The following TSC1 variants were observed in gnomAD, a reference collection of about 807,000 sequenced individuals.
TSC1 encodes the protein TSC complex subunit 1.
In TSC1, 20 loss-of-function variants were observed where a neutral mutation model predicts 124.3. The ratio of observed to expected loss-of-function variants is 0.16; its 90% confidence interval spans 0.11 to 0.23. The LOEUF (loss-of-function observed/expected upper bound fraction) is 0.23, where lower values mean the gene tolerates loss of function less well. Ranked by LOEUF, TSC1 falls within the 10% of genes least tolerant of loss-of-function variation. TSC1 has a pLI of 1.00. For missense variants in TSC1, 1,124 were observed against 1,448.5 expected (o/e 0.78, Z 3.64); for synonymous variants, 493 against 539.1 (o/e 0.91, Z 1.19).
chr9:132,909,217 A>G (rs1261750682), intron 12 of TSC1, among the ~76,000 whole-genome samples: 2 of 152,152 alleles, frequency 1.3e-5, no homozygotes, highest in African/African-American at 2.4e-5. Flanking sequence ...TGTACTTTGA[A>G]TGTACTTTTT....
chr9:132,916,423 A>G, intron 8 of TSC1, among the ~76,000 whole-genome samples: 1 of 148,630 alleles, frequency 6.7e-6, no homozygotes, highest in East Asian at 1.9e-4. Context: ...GACACCATCT[A>G]TTAACTTACT....
In TSC1 at chr9:132,944,534, C is replaced by G. The variant is rs1356563066; in HGVS notation, c.-144+9G>C. 4 of 398,730 alleles carry G rather than the reference C, an allele frequency of 1.0e-5. No individual in the cohort carries two copies. Among genetic ancestry groups the G allele is most frequent in the Non-Finnish European group, 1.3e-5 (3 of 226,184 alleles). 24.7% of individuals were successfully genotyped at this position (398,730 alleles called of 1,614,324 possible). A position where few individuals can be genotyped will look rare whatever the true frequency, so the allele number is the denominator to read the frequency against. On this transcript the variant is annotated intron_variant, in intron 1 of 22. Coordinates refer to ENST00000298552, the MANE Select transcript of TSC1 (RefSeq NM_000368.5). ...CATAAAAAGGAGGGGGAGACACCCC[C>G]ATACTCACCCACCGTCTCCTCCCCC...
chr9:132,938,207 G>C (rs924032429), intron 1 of TSC1, among the ~76,000 whole-genome samples: 1 of 152,020 alleles, frequency 6.6e-6, no homozygotes, highest in African/African-American at 2.4e-5. Flanking sequence ...CTGTCCTATG[G>C]GGGTACTACA....
Position 132,903,935 on chromosome 9 carries a change from C to T in TSC1, c.2042-118G>A. The T allele has an allele frequency of 7.9e-7, 1 of 1,259,838 alleles. No individual in the cohort carries two copies. Among genetic ancestry groups the T allele is most frequent in the Non-Finnish European group, 1.1e-6 (1 of 887,974 alleles). The allele number at this position is 1,259,838 out of a possible 1,614,324, so 78.0% of individuals were successfully genotyped here. ...AATTCTTTAAAAACAAATCACCACTCTCTTTGCAAATGACCACTTGACTCC... is the reference window on the plus strand; with the variant it reads ...AATTCTTTAAAAACAAATCACCACTTTCTTTGCAAATGACCACTTGACTCC... On this transcript the variant is annotated intron_variant, in intron 16 of 22. Coordinates refer to ENST00000298552, the MANE Select transcript of TSC1 (RefSeq NM_000368.5). This position sits in a 1 kb window ranked among gnomAD's most constrained non-coding sequence, Gnocchi z 5.9.
rs147159192 is a variant in TSC1, at chr9:132,898,596, C to T, written c.2626-986G>A. 7.9e-4 allele frequency among the ~76,000 whole-genome samples: 120 copies of T among 152,272 alleles called. 1 individual carries two copies. The highest frequency in any genetic ancestry group is 7.7e-4 in the East Asian group (4 of 5,176). Reference sequence around the variant, plus strand: ...GCTGTTCCAGCTGTGCTAAATGGCTCGACTTCAGCACAGGGTGGATGAACG... The same window carrying T: ...GCTGTTCCAGCTGTGCTAAATGGCTTGACTTCAGCACAGGGTGGATGAACG... On this transcript the variant is annotated intron_variant, in intron 20 of 22. Coordinates refer to ENST00000298552, the MANE Select transcript of TSC1 (RefSeq NM_000368.5).
intron 3 of TSC1, 36 bp from the exon 4 acceptor site, chr9:132,927,340 C>T (rs1367291780): frequency 3.8e-6 from 6 of 1,583,942 alleles, no homozygotes; most frequent in Non-Finnish European, 2.6e-6. Flanking sequence ...GATACTTATT[C>T]CCCTTAACAT....
At chr9:132,931,000 T>C (rs937290369) in intron 2 of TSC1, among the ~76,000 whole-genome samples, 3 of 152,226 alleles carry the variant, frequency 2.0e-5, no homozygotes, top group African/African-American at 4.8e-5. Context: ...AGTACCTGTA[T>C]ATTATCATAA....
chr9:132,900,602 T>C (rs920870020), intron 20 of TSC1, 113 bp downstream of exon 20: 1 of 1,568,680 alleles, frequency 6.4e-7, no homozygotes, highest in African/African-American at 1.4e-5. Flanking sequence ...GGACTGCCGC[T>C]CCGTCTTTTA....
intron 20 of TSC1, chr9:132,898,914 GA>G (rs1224743219): frequency 6.6e-6 from 1 of 152,374 alleles, no homozygotes; most frequent in African/African-American, 2.4e-5. Context: ...GATCATCTGG[GA>G]AAGGTTTTCT....
At chr9:132,927,327 G>A (rs2132272330) in intron 3 of TSC1, 23 bp from the exon 4 acceptor site, 1 of 1,602,662 alleles carries the variant, frequency 6.2e-7, no homozygotes, top group South Asian at 1.1e-5. Flanking sequence ...AAGGGCAATG[G>A]ATGATACTTA....
intron 1 of TSC1, among the ~76,000 whole-genome samples, chr9:132,944,330 C>T (rs1847938288): frequency 6.6e-6 from 1 of 152,128 alleles, no homozygotes; most frequent in Non-Finnish European, 1.5e-5. Flanking sequence ...CGCCTCTCCT[C>T]CCCAGGGACC....
rs1554817077 is a variant in TSC1, at chr9:132,910,567, G to A, written c.1263+4C>T. ...AGAGGGATAGCAGACGAGCTGGATC[G>A]CACCTTCCTGGGGGGTGTGACTGTG... On this transcript the variant is annotated splice_donor_region_variant and intron_variant, in intron 12 of 22. Coordinates refer to ENST00000298552, the MANE Select transcript of TSC1 (RefSeq NM_000368.5). 3.7e-6 allele frequency: 6 copies of A among 1,613,900 alleles called. No individual in the cohort carries two copies. The highest frequency in any genetic ancestry group is 2.2e-5 in the East Asian group (1 of 44,892).
intron 8 of TSC1, among the ~76,000 whole-genome samples, chr9:132,917,024 T>C (rs1307875811): frequency 2.0e-5 from 3 of 152,366 alleles, no homozygotes; most frequent in Middle Eastern, 6.8e-3. Context: ...TCATATTTGA[T>C]AGACAAGTTG....
rs118107142 is a variant in TSC1 at position 132,902,865 on chromosome 9, C to A, written c.2209-78G>T. ...TTAACACACACTGCGAACATTTCAT[C>A]TGAATAGTCATAAGCTACCCTGAAA... is the stretch of plus-strand genomic sequence containing the variant. On this transcript the variant is annotated intron_variant, in intron 17 of 22. Coordinates refer to ENST00000298552, the MANE Select transcript of TSC1 (RefSeq NM_000368.5). This position sits in a 1 kb window ranked among gnomAD's most constrained non-coding sequence, Gnocchi z 5.2. 6.5e-7 allele frequency: 1 copy of A among 1,548,342 alleles called. No homozygotes were observed. Among genetic ancestry groups the A allele is most frequent in the Non-Finnish European group, 8.9e-7 (1 of 1,125,514 alleles).
intron 2 of TSC1, among the ~76,000 whole-genome samples, chr9:132,934,829 G>A (rs529403904): frequency 2.0e-4 from 30 of 152,338 alleles, no homozygotes; most frequent in Non-Finnish European, 3.2e-4. Context: ...AGAAAGTAAC[G>A]CATATAATGC....
chr9:132,906,242 G>T lies in TSC1; in HGVS notation c.1439-103C>A. On this transcript the variant is annotated intron_variant, in intron 14 of 22. Transcript: ENST00000298552. This position sits in a 1 kb window ranked among gnomAD's most constrained non-coding sequence, Gnocchi z 4.1. ...CTGCCACATGCCAGTGTCACTCAGA[G>T]AGAGGAGAAAAAGTGGCATCCGGCT... is the stretch of plus-strand genomic sequence containing the variant. 8 of 1,345,358 alleles carry T rather than the reference G, an allele frequency of 5.9e-6. No homozygotes were observed. In the South Asian group the frequency reaches 1.0e-4, roughly 17 times the overall value. The allele number at this position is 1,345,358 out of a possible 1,614,324, so 83.3% of individuals were successfully genotyped here.
At chr9:132,910,926 A>C in intron 11 of TSC1, 76 bp downstream of exon 11, 1 of 1,420,132 alleles carries the variant, frequency 7.0e-7, no homozygotes, top group Non-Finnish European at 1.0e-6. Flanking sequence ...GGTCCCTTAG[A>C]TCTAAAAGAG....
rs1060503227 is a variant in TSC1, at chr9:132,896,306, G to A, written c.3424C>T (p.Pro1142Ser). The change falls in exon 23 of 23, where the codon CCC (proline) becomes TCC (serine). Residue 1142 changes from proline (P) to serine (S), a missense_variant. Around this residue, in one of 5 missense-constraint regions of TSC1, gnomAD observed 325 missense variants for 383.4 expected, o/e 0.85. Transcript: ENST00000298552. The surrounding 1 kb of genome is among the most constrained non-coding windows in gnomAD (Gnocchi z 4.5). ...PLNLDGPHPS[P>S]PTPDSVGQLH... ...TGTCCAACACTGTCCGGGGTCGGGGGAGACGGGTGAGGGCCATCTAGGTTC... is the reference window on the plus strand; with the variant it reads ...TGTCCAACACTGTCCGGGGTCGGGGAAGACGGGTGAGGGCCATCTAGGTTC... 2.5e-6 allele frequency: 4 copies of A among 1,614,192 alleles called. No individual in the cohort carries two copies. Among genetic ancestry groups the A allele is most frequent in the Admixed American group, 1.7e-5 (1 of 60,030 alleles).
chr9:132,912,461 T>C lies in TSC1; in HGVS notation c.738-4A>G. The C allele has an allele frequency of 6.2e-7, 1 of 1,614,160 alleles. No homozygotes were observed. The highest frequency in any genetic ancestry group is 8.5e-7 in the Non-Finnish European group (1 of 1,180,028). The stretch of plus-strand genomic sequence containing the variant: ...ATGAGTTTCTAATCTCTTCCACCTG[T>C]AAAATGCAATGAAAGTCAAGAAATG... On this transcript the variant is annotated splice_polypyrimidine_tract_variant and splice_region_variant and intron_variant, in intron 8 of 22. Transcript: ENST00000298552.
Sources: gnomAD v4.1 joint callset for allele counts (sites outside exome capture counted in the v4.1 genomes callset) on GRCh38, gnomAD v4.1.1 for gene constraint, gnomAD v4.1.1 regional missense constraint, Gnocchi (gnomAD v3.1) non-coding constraint, MANE v1.5 for transcripts, NCBI Gene and HGNC (gene_info 2026-07-23, HGNC 2026-07-21) for gene names.